COX5A: variants seen among roughly 807,000 people sequenced by gnomAD.
COX5A encodes cytochrome c oxidase subunit 5A, mitochondrial.
In COX5A, 6 loss-of-function variants were observed where a neutral mutation model predicts 16.1. That is an observed-to-expected ratio of 0.37 (90% CI 0.20 to 0.73). The LOEUF (loss-of-function observed/expected upper bound fraction) is 0.73. Among genes scored for constraint, COX5A ranks in the 30% least tolerant of loss-of-function variants. COX5A has a pLI of 0.50. For missense variants in COX5A, 159 were observed against 194.9 expected, an observed-to-expected ratio of 0.82 and a Z score of 1.10; for synonymous variants, 73 against 73.8, an observed-to-expected ratio of 0.99 and a Z score of 0.06.
At chr15:74,924,038 G>C (rs566066601) in intron 3 of COX5A, among the ~76,000 whole-genome samples, 38 of 152,086 alleles carry the variant, frequency 2.5e-4, no homozygotes, top group African/African-American at 9.2e-4. Flanking sequence ...AAATCAGCCA[G>C]GTGTAGTGGC....
At chr15:74,927,734 T>C (rs1023747834) in intron 2 of COX5A, among the ~76,000 whole-genome samples, 1 of 152,078 alleles carries the variant, frequency 6.6e-6, no homozygotes, top group African/African-American at 2.4e-5. Flanking sequence ...ATCGCGCCAT[T>C]GCACTCTAGC....
At chr15:74,921,910 A>G (rs2065322891) in intron 4 of COX5A, among the ~76,000 whole-genome samples, 1 of 151,978 alleles carries the variant, frequency 6.6e-6, no homozygotes, top group Admixed American at 6.6e-5. Context: ...TGAAAAGACC[A>G]TTGCTTTTGG....
In COX5A at chr15:74,938,052, A is replaced by G. The variant is rs1196288368; in HGVS notation, c.-38T>C. On this transcript the variant is annotated 5_prime_UTR_variant, in exon 1 of 5. Coordinates refer to ENST00000322347, the MANE Select transcript of COX5A (RefSeq NM_004255.4). ...GGCGCGCGGGCTGAGGACAGAGAGAAGCCGGTGTAAGCTCGCGGGTTGCTC... is the reference window on the plus strand; with the variant it reads ...GGCGCGCGGGCTGAGGACAGAGAGAGGCCGGTGTAAGCTCGCGGGTTGCTC... 3.5e-5 allele frequency: 42 copies of G among 1,195,382 alleles called. No homozygotes were observed. The highest frequency in any genetic ancestry group is 5.2e-6 in the Non-Finnish European group (5 of 956,464). 74.0% of individuals were successfully genotyped at this position (1,195,382 alleles called of 1,614,324 possible).
intron 1 of COX5A, among the ~76,000 whole-genome samples, chr15:74,930,495 A>G (rs2065362392): frequency 6.6e-6 from 1 of 150,454 alleles, no homozygotes; most frequent in Non-Finnish European, 1.5e-5. Flanking sequence ...TAAGAGCAAT[A>G]CTAATGTCCA....
chr15:74,926,765 C>T lies in COX5A; in HGVS notation c.339+1G>A. The stretch of plus-strand genomic sequence containing the variant: ...AATTTTAGCATTATTATTTCACTGA[C>T]CTTAACAACCTCTAGGATACGAACT... On this transcript the variant is annotated splice_donor_variant, in intron 3 of 4. Coordinates refer to ENST00000322347, the MANE Select transcript of COX5A (RefSeq NM_004255.4). LOFTEE classifies it high-confidence loss of function. 6.2e-7 allele frequency: 1 copy of T among 1,608,316 alleles called. No homozygotes were observed. Among genetic ancestry groups the T allele is most frequent in the Non-Finnish European group, 8.5e-7 (1 of 1,177,612 alleles).
At chr15:74,929,518 A>G (rs1875434840) in intron 1 of COX5A, among the ~76,000 whole-genome samples, 1 of 152,180 alleles carries the variant, frequency 6.6e-6, no homozygotes, top group South Asian at 2.1e-4. Flanking sequence ...TTAAATTAAC[A>G]GTGATTATCA....
At chr15:74,926,180 C>CA (rs1448674842) in intron 3 of COX5A, among the ~76,000 whole-genome samples, 1 of 151,500 alleles carries the variant, frequency 6.6e-6, no homozygotes, top group African/African-American at 2.4e-5. Flanking sequence ...GCTGGGACTA[C>CA]AGGCGCCTGC....
intron 4 of COX5A, among the ~76,000 whole-genome samples, chr15:74,922,395 A>C (rs2065325255): frequency 6.6e-6 from 1 of 152,128 alleles, no homozygotes; most frequent in Non-Finnish European, 1.5e-5. Context: ...AAAAAAAAAA[A>C]AAAAAATCTT....
chr15:74,926,196 C>T (rs2065342793), intron 3 of COX5A, among the ~76,000 whole-genome samples: 1 of 148,826 alleles, frequency 6.7e-6, no homozygotes, highest in Non-Finnish European at 1.5e-5. Context: ...CCTGCCACCA[C>T]ACCCGGCTAA....
chr15:74,934,626 C>T (rs1322537556), intron 1 of COX5A, among the ~76,000 whole-genome samples: 5 of 152,126 alleles, frequency 3.3e-5, no homozygotes, highest in Admixed American at 1.3e-4. Context: ...CCACCATGCC[C>T]GGCCATGATT....
At chr15:74,929,737 ATAGCCAT>A (rs1230859397) in intron 1 of COX5A, among the ~76,000 whole-genome samples, 1 of 152,124 alleles carries the variant, frequency 6.6e-6, no homozygotes, top group Non-Finnish European at 1.5e-5. Flanking sequence ...ACCTGATAAG[ATAGCCAT>A]TGCATTCCAG....
chr15:74,936,314 C>A (rs4886641), intron 1 of COX5A, among the ~76,000 whole-genome samples: 52,773 of 150,138 alleles, frequency 0.35, 11,869 homozygotes, highest in Non-Finnish European at 0.52. Flanking sequence ...AACAAACAAA[C>A]AAAAAAAAAC....
chr15:74,932,019 C>T (rs150193285), intron 1 of COX5A, among the ~76,000 whole-genome samples: 1,739 of 152,302 alleles, frequency 0.011, 30 homozygotes, highest in Admixed American at 0.025. Context: ...CTAGGCTCTT[C>T]GCTCTCTCTG....
chr15:74,932,719 CAG>C (rs2065372725), intron 1 of COX5A, among the ~76,000 whole-genome samples: 1 of 146,312 alleles, frequency 6.8e-6, no homozygotes, highest in South Asian at 2.1e-4. Context: ...TTTTTTGAGA[CAG>C]AGTCTCACCC....
At chr15:74,937,305 C>T (rs1470535155) in intron 1 of COX5A, among the ~76,000 whole-genome samples, 2 of 152,116 alleles carry the variant, frequency 1.3e-5, no homozygotes, top group African/African-American at 4.8e-5. Context: ...TATCATAAGC[C>T]CTATCAAAAC....
intron 1 of COX5A, among the ~76,000 whole-genome samples, chr15:74,930,740 G>A (rs1340984900): frequency 6.7e-6 from 1 of 149,182 alleles, no homozygotes; most frequent in Non-Finnish European, 1.5e-5. Context: ...ATCTCGGGCC[G>A]GGCTTGGTGG....
At chr15:74,921,399 C>T (rs1327426223) in intron 4 of COX5A, among the ~76,000 whole-genome samples, 4 of 124,048 alleles carry the variant, frequency 3.2e-5, no homozygotes, top group African/African-American at 1.2e-4. Context: ...CAGAGCCAGA[C>T]TCCGTCTCAA....
intron 3 of COX5A, among the ~76,000 whole-genome samples, chr15:74,926,457 T>C (rs1262834749): frequency 6.9e-6 from 1 of 144,072 alleles, no homozygotes; most frequent in East Asian, 2.0e-4. Context: ...ATTACAGGCA[T>C]GAGCCATCAC....
At chr15:74,926,674 A>C in intron 3 of COX5A, 92 bp downstream of exon 3, 1 of 1,374,706 alleles carries the variant, frequency 7.3e-7, no homozygotes. Context: ...CATTTTAGGC[A>C]TTTTAACAAA....
Sources: gnomAD v4.1 joint callset for allele counts (sites outside exome capture counted in the v4.1 genomes callset) on GRCh38, gnomAD v4.1.1 for gene constraint, MANE v1.5 for transcripts, NCBI Gene and HGNC (gene_info 2026-07-23, HGNC 2026-07-21) for gene names.